GALNT17: variants seen among roughly 807,000 people sequenced by gnomAD.
GALNT17 encodes polypeptide N-acetylgalactosaminyltransferase 17, also known as UDP-GalNAc:polypeptide N-acetylgalactosaminyltransferase-like 3.
A neutral mutation model predicts 63.7 loss-of-function variants in GALNT17; 29 were observed. The ratio of observed to expected loss-of-function variants is 0.46; its 90% CI spans 0.34 to 0.62. The LOEUF is 0.62. Among genes scored for constraint, GALNT17 ranks in the 20% least tolerant of loss-of-function variants. The pLI, the probability that GALNT17 is intolerant of heterozygous loss-of-function variation, is 0.01. For missense variants in GALNT17, 603 were observed against 799.6 expected (o/e 0.75, Z 2.97); for synonymous variants, 305 against 318.3 (o/e 0.96, Z 0.45).
chr7:71,203,061 A>T (rs1455823329), intron 1 of GALNT17, among the ~76,000 whole-genome samples: 1 of 152,096 alleles, frequency 6.6e-6, no homozygotes, highest in Non-Finnish European at 1.5e-5. Flanking sequence ...ATGGACACTT[A>T]GGTTGATTCT....
chr7:71,465,170 G>C (rs1358517368), intron 5 of GALNT17, among the ~76,000 whole-genome samples: 1 of 152,208 alleles, frequency 6.6e-6, no homozygotes, highest in African/African-American at 2.4e-5. Context: ...TCCTTGGTCA[G>C]ATCACAATGC....
At chr7:71,174,116 C>T (rs576619520) in intron 1 of GALNT17, among the ~76,000 whole-genome samples, 1 of 152,146 alleles carries the variant, frequency 6.6e-6, no homozygotes, top group African/African-American at 2.4e-5. Flanking sequence ...CCTTGAGGGG[C>T]TCATAGACAG....
rs113800724 is a variant in GALNT17, at chr7:71,272,583, A to C, written c.239-62967A>C. ...TGGAAGGGCAGGAATGTCTTGGGGG[A>C]AAGTCAGCCTCAGTTACTGCTCCCA... On this transcript the variant is annotated intron_variant, in intron 1 of 10. Coordinates refer to ENST00000333538, the MANE Select transcript of GALNT17 (RefSeq NM_022479.3). 5.3e-3 allele frequency among the ~76,000 whole-genome samples: 800 copies of C among 152,158 alleles called. 7 individuals are homozygous for C. Among genetic ancestry groups the C allele is most frequent in the African/African-American group, 0.018 (756 of 41,500 alleles).
At chr7:71,138,993 A>C (rs969846457) in intron 1 of GALNT17, among the ~76,000 whole-genome samples, 1 of 152,186 alleles carries the variant, frequency 6.6e-6, no homozygotes, top group African/African-American at 2.4e-5. Flanking sequence ...AAATAAAATA[A>C]AAAAGAAAGT....
chr7:71,335,164 C>A (rs1173865089), intron 1 of GALNT17, among the ~76,000 whole-genome samples: 1 of 152,126 alleles, frequency 6.6e-6, no homozygotes, highest in Non-Finnish European at 1.5e-5. Flanking sequence ...CAGAGTCTTG[C>A]TCTATTGCCC....
chr7:71,372,076 G>A (rs1047181460), intron 2 of GALNT17, among the ~76,000 whole-genome samples: 3 of 152,180 alleles, frequency 2.0e-5, no homozygotes, highest in African/African-American at 7.2e-5. Flanking sequence ...GAACTTGTAG[G>A]CTCAAGTGAT....
At chr7:71,423,864 G>T (rs923844934) in intron 5 of GALNT17, among the ~76,000 whole-genome samples, 1 of 152,142 alleles carries the variant, frequency 6.6e-6, no homozygotes, top group African/African-American at 2.4e-5. Context: ...CGAGGCTGTA[G>T]TGGGCTGTGA....
chr7:71,665,496 A>G lies in GALNT17; in HGVS notation c.1166A>G (p.Asn389Ser). 1 of 1,613,860 alleles carries G rather than the reference A, an allele frequency of 6.2e-7. No homozygotes were observed. Among genetic ancestry groups the G allele is most frequent in the Non-Finnish European group, 8.5e-7 (1 of 1,179,990 alleles). ...IERKKKPYNSNIGFYTKRNAL... is the reference protein window; with the variant it reads ...IERKKKPYNSSIGFYTKRNAL... The stretch of plus-strand genomic sequence containing the variant: ...CGGAAGAAGAAGCCATATAATAGCA[A>G]CATTGGCTTCTACACCAAGAGGAAT... The change falls in exon 7 of 11, where the codon AAC becomes AGC. Residue 389 changes from asparagine (N) to serine (S), a missense_variant. Transcript: ENST00000333538.
intron 1 of GALNT17, among the ~76,000 whole-genome samples, chr7:71,186,411 G>T (rs924195678): frequency 6.6e-6 from 1 of 152,184 alleles, no homozygotes; most frequent in African/African-American, 2.4e-5. Flanking sequence ...CACCCCTGCC[G>T]CAGGCCTAAG....
intron 1 of GALNT17, among the ~76,000 whole-genome samples, chr7:71,287,966 C>T (rs1216281515): frequency 2.0e-5 from 3 of 150,824 alleles, no homozygotes; most frequent in Middle Eastern, 3.4e-3. Flanking sequence ...GCAGGAGAAT[C>T]GCTTGAACCA....
chr7:71,463,272 G>A (rs922850464), intron 5 of GALNT17, among the ~76,000 whole-genome samples: 1 of 152,152 alleles, frequency 6.6e-6, no homozygotes, highest in South Asian at 2.1e-4. Flanking sequence ...TAACATCAGA[G>A]ACCTTATATA....
intron 5 of GALNT17, among the ~76,000 whole-genome samples, chr7:71,423,383 C>T (rs185518774): frequency 6.6e-6 from 1 of 152,156 alleles, no homozygotes; most frequent in East Asian, 1.9e-4. Context: ...CCCTCTGATC[C>T]CCGAGTTATA....
chr7:71,685,948 A>ATTTTTTTTT (rs3062958), intron 9 of GALNT17, among the ~76,000 whole-genome samples: 10 of 59,816 alleles, frequency 1.7e-4, no homozygotes, highest in African/African-American at 5.5e-4. Flanking sequence ...GGCAATTACT[A>ATTTTTTTTT]TTTTTTTTTT....
chr7:71,316,861 A>T (rs1253110821), intron 1 of GALNT17, among the ~76,000 whole-genome samples: 4 of 152,214 alleles, frequency 2.6e-5, no homozygotes, highest in Non-Finnish European at 5.9e-5. Flanking sequence ...TCTGTAGGTC[A>T]TGAAACCCCT....
intron 1 of GALNT17, among the ~76,000 whole-genome samples, chr7:71,224,367 G>C (rs1789643850): frequency 6.6e-6 from 1 of 152,084 alleles, no homozygotes; most frequent in African/African-American, 2.4e-5. Flanking sequence ...AAACTTTTTT[G>C]ATCATCAAGA....
intron 6 of GALNT17, among the ~76,000 whole-genome samples, chr7:71,615,959 G>T (rs1032430957): frequency 6.6e-6 from 1 of 152,162 alleles, no homozygotes; most frequent in Middle Eastern, 3.2e-3. Context: ...TCCAGGGCAG[G>T]TGTAGCACAA....
At chr7:71,372,317 A>G (rs1792639244) in intron 2 of GALNT17, among the ~76,000 whole-genome samples, 2 of 152,148 alleles carry the variant, frequency 1.3e-5, no homozygotes, top group Admixed American at 6.5e-5. Flanking sequence ...GGCACCCACC[A>G]CCAAGCCTGG....
chr7:71,438,948 G>A lies in GALNT17; in HGVS notation c.962+17843G>A, dbSNP rs899569715. Among the ~76,000 whole-genome samples, 8 of 149,932 alleles carry A rather than the reference G, an allele frequency of 5.3e-5. No individual in the cohort carries two copies. In the South Asian group the frequency reaches 1.3e-3, roughly 24 times the overall value. On this transcript the variant is annotated intron_variant, in intron 5 of 10. Coordinates refer to ENST00000333538, the MANE Select transcript of GALNT17 (RefSeq NM_022479.3). The stretch of plus-strand genomic sequence containing the variant: ...GGCCCAGGCTGGAGTGCAGTGATGT[G>A]ATCATAGCTCACTGTAGCCTTGACC...
chr7:71,518,795 G>A (rs370223234), intron 5 of GALNT17, among the ~76,000 whole-genome samples: 1 of 152,142 alleles, frequency 6.6e-6, no homozygotes, highest in African/African-American at 2.4e-5. Flanking sequence ...AGATTCTCTG[G>A]GTTCCAGTAA....
Sources: allele counts gnomAD v4.1 joint callset (sites outside exome capture counted in the v4.1 genomes callset), GRCh38; gene constraint gnomAD v4.1.1; transcripts MANE v1.5; gene names NCBI Gene and HGNC (gene_info 2026-07-23, HGNC 2026-07-21).